PHAX: variants seen among roughly 807,000 people sequenced by gnomAD.
PHAX encodes the protein phosphorylated adaptor for RNA export, also known as phosphorylated adapter RNA export protein.
A neutral mutation model predicts 41.6 loss-of-function variants in PHAX; 31 were observed. The ratio of observed to expected loss-of-function variants is 0.75; its 90% CI spans 0.56 to 1.01. The LOEUF (loss-of-function observed/expected upper bound fraction) is 1.01, where lower values mean the gene tolerates loss of function less well. Among genes scored for constraint, PHAX ranks in the 50% least tolerant of loss-of-function variants. The probability of loss-of-function intolerance (pLI) is 0.00; values close to 1 mark genes in which losing one functional copy is unlikely to be tolerated. For synonymous variants in PHAX, 175 were observed against 164.9 expected, an observed-to-expected ratio of 1.06 and a Z score of -0.47; for missense variants, 453 against 472.9, an observed-to-expected ratio of 0.96 and a Z score of 0.39.
chr5:126,623,834 CT>C (rs1336413780), intron 4 of PHAX, among the ~76,000 whole-genome samples: 1 of 152,010 alleles, frequency 6.6e-6, no homozygotes, highest in Non-Finnish European at 1.5e-5. Context: ...TTGGCTTGAG[CT>C]TTTTGGAATC....
In PHAX at chr5:126,616,047, CT is replaced by C. The variant is rs35245075; in HGVS notation, c.832-1185del. Among the ~76,000 whole-genome samples the C allele has an allele frequency of 9.6e-3, 1,184 of 123,744 alleles. 10 individuals are homozygous for C. The highest frequency in any genetic ancestry group is 0.025 in the African/African-American group (814 of 32,724). The allele number at this position is 123,744 out of a possible 152,430, so 81.2% of individuals were successfully genotyped here. A position where few individuals can be genotyped will look rare whatever the true frequency, so the allele number is the denominator to read the frequency against. On this transcript the variant is annotated intron_variant, in intron 3 of 4. Transcript: ENST00000297540. ...GGCTACCCAGTAGCTCAACCACCAA[CT>C]TTTTTTTTTTTTTTTTTGAAATAGA...
rs189310657 is a variant in PHAX, at chr5:126,608,335, A to C, written c.711-29A>C. 1.9e-4 allele frequency: 306 copies of C among 1,603,488 alleles called. No homozygotes were observed. In the African/African-American group the frequency reaches 3.7e-3, roughly 19 times the overall value. ...TTCTTCAACTTTGTACAACAAACAA[A>C]GAGGATAATTTTACTTGTTTCTCAT... On this transcript the variant is annotated intron_variant, in intron 2 of 4. Coordinates refer to ENST00000297540, the MANE Select transcript of PHAX (RefSeq NM_032177.4).
rs1197230000 is a variant in PHAX, at chr5:126,603,989, C to G, written c.516C>G (p.Asp172Glu). 2 of 1,613,626 alleles carry G rather than the reference C, an allele frequency of 1.2e-6. No individual in the cohort carries two copies. The highest frequency in any genetic ancestry group is 3.3e-5 in the Admixed American group (2 of 59,934). Residue 172 changes from aspartate (D) to glutamate (E), a missense_variant, in exon 2 of 5, where the codon GAC becomes GAG. Coordinates refer to ENST00000297540, the MANE Select transcript of PHAX (RefSeq NM_032177.4). ...CTCAAGAGCATACAAAAGATCTAGA[C>G]AAGGAACTAGATGAATATATGCATG... is the stretch of plus-strand genomic sequence containing the variant. ...KESQEHTKDL[D>E]KELDEYMHGG...
rs75390737 is a variant in PHAX at position 126,607,971 on chromosome 5, G to C, written c.711-393G>C. 6.0e-3 allele frequency among the ~76,000 whole-genome samples: 908 copies of C among 152,282 alleles called. 46 individuals are homozygous for C. The East Asian group carries it at 0.13, about 21-fold the overall frequency. On this transcript the variant is annotated intron_variant, in intron 2 of 4. Transcript: ENST00000297540. ...GGTCCTATCCCATTTTAAAGCTCCA[G>C]ACATCTCTGGAATTATGTGAGCCTT...
At chr5:126,602,743 G>A (rs954465916) in intron 1 of PHAX, among the ~76,000 whole-genome samples, 4 of 152,040 alleles carry the variant, frequency 2.6e-5, no homozygotes, top group African/African-American at 9.7e-5. Context: ...GGTGGCTCAC[G>A]CCTGTAATCC....
chr5:126,603,811 A>C lies in PHAX; in HGVS notation c.338A>C (p.Lys113Thr), dbSNP rs1561678315. 1 of 1,614,170 alleles carries C rather than the reference A, an allele frequency of 6.2e-7. No homozygotes were observed. Among genetic ancestry groups the C allele is most frequent in the South Asian group, 1.1e-5 (1 of 91,076 alleles). ...AAACCACCTGTTGCTGGAGGAAAGA[A>C]GATTAACAACATATGGGGTGCTGTG... ...SQKPPVAGGKKINNIWGAVLQ... is the reference protein window; with the variant it reads ...SQKPPVAGGKTINNIWGAVLQ... Residue 113 changes from lysine to threonine, a missense_variant, in exon 2 of 5, where the codon AAG (lysine) becomes ACG (threonine). Coordinates refer to ENST00000297540, the MANE Select transcript of PHAX (RefSeq NM_032177.4).
At chr5:126,614,305 G>A (rs979673693) in intron 3 of PHAX, among the ~76,000 whole-genome samples, 1 of 150,916 alleles carries the variant, frequency 6.6e-6, no homozygotes, top group Admixed American at 6.6e-5. Context: ...CACCATGTTG[G>A]CCAGGCTGGT....
At chr5:126,617,386 AC>A in intron 4 of PHAX, 53 bp downstream of exon 4, 1 of 997,482 alleles carries the variant, frequency 1.0e-6, no homozygotes, top group Non-Finnish European at 1.5e-6. Flanking sequence ...ACTTCTACTC[AC>A]CCTCTACCTT....
At chr5:126,622,852 G>A (rs943434996) in intron 4 of PHAX, among the ~76,000 whole-genome samples, 3 of 151,986 alleles carry the variant, frequency 2.0e-5, no homozygotes, top group Admixed American at 6.6e-5. Context: ...TGGGCCGGGC[G>A]CGGTGGCTTA....
intron 2 of PHAX, among the ~76,000 whole-genome samples, chr5:126,607,343 C>T (rs549200540): frequency 6.6e-6 from 1 of 150,906 alleles, no homozygotes; most frequent in Non-Finnish European, 1.5e-5. Context: ...CACAAAAATG[C>T]ACTGCCTCCT....
chr5:126,603,731 A>G lies in PHAX; in HGVS notation c.258A>G (p.Lys86=), dbSNP rs199920194. 3 of 1,614,194 alleles carry G rather than the reference A, an allele frequency of 1.9e-6. No homozygotes were observed. In the East Asian group the frequency reaches 6.7e-5, roughly 36 times the overall value. The change falls in exon 2 of 5, where the codon AAA becomes AAG. Residue 86 remains lysine (K), a synonymous_variant. Coordinates refer to ENST00000297540, the MANE Select transcript of PHAX (RefSeq NM_032177.4). ...DSCLWKRKRQ[K]CFNPPPKPEP... is the part of the protein sequence containing the mutation. ...GTCTTTGGAAACGCAAACGACAGAA[A>G]TGTTTTAACCCTCCTCCCAAACCAG...
At chr5:126,624,471 A>AT (rs577858599) in intron 4 of PHAX, 104 bp from the exon 5 acceptor site, 4 of 926,822 alleles carry the variant, frequency 4.3e-6, no homozygotes, top group Non-Finnish European at 5.0e-6. Flanking sequence ...TAATACTTGT[A>AT]TTTTTTGTAA....
intron 3 of PHAX, among the ~76,000 whole-genome samples, chr5:126,612,708 G>T (rs1049449847): frequency 1.3e-5 from 2 of 151,814 alleles, no homozygotes; most frequent in Non-Finnish European, 2.9e-5. Context: ...TCTCAAAAAA[G>T]AAAAAGAAAT....
At chr5:126,601,110 C>A in intron 1 of PHAX, 52 bp downstream of exon 1, 1 of 1,356,130 alleles carries the variant, frequency 7.4e-7, no homozygotes, top group Non-Finnish European at 1.0e-6. Flanking sequence ...GGAGCCTGGG[C>A]CCCGGGGAGC....
At chr5:126,609,340 A>G (rs1004995763) in intron 3 of PHAX, among the ~76,000 whole-genome samples, 1 of 151,754 alleles carries the variant, frequency 6.6e-6, no homozygotes, top group South Asian at 2.1e-4. Context: ...ACCTTAGGCA[A>G]TCCACCCAGC....
intron 2 of PHAX, 147 bp downstream of exon 2, chr5:126,604,330 G>A: frequency 4.0e-6 from 3 of 757,076 alleles, no homozygotes; most frequent in Non-Finnish European, 5.9e-6. Context: ...AGGCTGGAGT[G>A]CAGTTACTCA....
chr5:126,624,825 A>G lies in PHAX; in HGVS notation c.1166A>G (p.His389Arg), dbSNP rs1752322980. 6.2e-7 allele frequency: 1 copy of G among 1,608,386 alleles called. No individual in the cohort carries two copies. The highest frequency in any genetic ancestry group is 8.5e-7 in the Non-Finnish European group (1 of 1,178,098). ...AEEAIEVDHSHDLDIF is the reference protein window; with the variant it reads ...AEEAIEVDHSRDLDIF The stretch of plus-strand genomic sequence containing the variant: ...GAAGCCATTGAAGTTGATCATTCTC[A>G]TGATTTGGACATCTTTTAAGTACAT... Residue 389 changes from histidine (H) to arginine (R), a missense_variant, in exon 5 of 5, where the codon CAT becomes CGT. Transcript: ENST00000297540.
intron 4 of PHAX, among the ~76,000 whole-genome samples, chr5:126,623,851 C>T (rs1216429703): frequency 6.6e-6 from 1 of 152,014 alleles, no homozygotes; most frequent in African/African-American, 2.4e-5. Flanking sequence ...GAATCCCTGC[C>T]CAGGAGATAA....
At chr5:126,613,532 G>A (rs1191941766) in intron 3 of PHAX, among the ~76,000 whole-genome samples, 1 of 152,020 alleles carries the variant, frequency 6.6e-6, no homozygotes, top group African/African-American at 2.4e-5. Flanking sequence ...ACAAAAATTA[G>A]CTGTATGTTG....
Sources: allele counts gnomAD v4.1 joint callset (sites outside exome capture counted in the v4.1 genomes callset), GRCh38; gene constraint gnomAD v4.1.1; transcripts MANE v1.5; gene names NCBI Gene and HGNC (gene_info 2026-07-23, HGNC 2026-07-21).